CHTF8: variants seen among roughly 807,000 people sequenced by gnomAD.
The protein encoded by CHTF8 is chromosome transmission fidelity factor 8.
Under a neutral mutation model 11.0 loss-of-function variants are expected in CHTF8, and 6 were observed. The ratio of observed to expected loss-of-function variants is 0.55; its 90% CI spans 0.30 to 1.08. The LOEUF (loss-of-function observed/expected upper bound fraction) is 1.08. CHTF8 is among the 50% of genes least tolerant of loss of function. The probability of loss-of-function intolerance (pLI) is 0.07; values close to 1 mark genes in which losing one functional copy is unlikely to be tolerated. For synonymous variants in CHTF8, 53 were observed against 60.5 expected (o/e 0.88, Z 0.57); for missense variants, 140 against 153.1 (o/e 0.91, Z 0.45).
intron 1 of CHTF8, among the ~76,000 whole-genome samples, chr16:69,121,829 G>A (rs891587354): frequency 1.7e-4 from 26 of 152,104 alleles, no homozygotes; most frequent in South Asian, 8.3e-4. Flanking sequence ...CACCACGGCC[G>A]GCTAATTTTT....
chr16:69,119,432 G>A lies in CHTF8; in HGVS notation c.*993C>T. 1.4e-6 allele frequency: 1 copy of A among 702,920 alleles called. No individual in the cohort carries two copies. Among genetic ancestry groups the A allele is most frequent in the South Asian group, 1.5e-5 (1 of 67,570 alleles). The allele number at this position is 702,920 out of a possible 1,614,324, so 43.5% of individuals were successfully genotyped here. On this transcript the variant is annotated 3_prime_UTR_variant, in exon 4 of 4. Transcript: ENST00000448552. Reference sequence around the variant, plus strand: ...ATGGGGCCAGGAGCCCTTGACATGGGAGATGGATTTGGCCCTGGAAGGCCA... The same window carrying A: ...ATGGGGCCAGGAGCCCTTGACATGGAAGATGGATTTGGCCCTGGAAGGCCA...
At chr16:69,124,216 A>G (rs1961896970) in intron 1 of CHTF8, among the ~76,000 whole-genome samples, 2 of 152,098 alleles carry the variant, frequency 1.3e-5, no homozygotes, top group African/African-American at 4.8e-5. Context: ...CCTAAAGACA[A>G]TTGGCTTCAC....
Position 69,118,362 on chromosome 16 carries a change from G to A in CHTF8, c.*2063C>T, listed in dbSNP as rs906108066. The A allele has an allele frequency of 4.4e-6, 7 of 1,604,126 alleles. No homozygotes were observed. The highest frequency in any genetic ancestry group is 1.3e-5 in the African/African-American group (1 of 74,768). ...CCCTGTTCTGTGTTCAAGCCCCCAGGGAAAGGTATGGCAGTAGAGGATGAC... is the reference window on the plus strand; with the variant it reads ...CCCTGTTCTGTGTTCAAGCCCCCAGAGAAAGGTATGGCAGTAGAGGATGAC... On this transcript the variant is annotated 3_prime_UTR_variant, in exon 4 of 4. Coordinates refer to ENST00000448552, the MANE Select transcript of CHTF8 (RefSeq NM_001039690.5).
chr16:69,126,381 G>A (rs1410225243), intron 1 of CHTF8, among the ~76,000 whole-genome samples: 1 of 152,186 alleles, frequency 6.6e-6, no homozygotes, highest in Non-Finnish European at 1.5e-5. Flanking sequence ...TTTGGTTGCT[G>A]GGATGGCACA....
Position 69,120,465 on chromosome 16 carries a change from C to T in CHTF8, c.326G>A (p.Arg109His), listed in dbSNP as rs1296990203. The T allele has an allele frequency of 5.0e-6, 8 of 1,613,886 alleles. No individual in the cohort carries two copies. The highest frequency in any genetic ancestry group is 2.2e-5 in the East Asian group (1 of 44,872). The change falls in exon 4 of 4, where the codon CGC becomes CAC. Residue 109 changes from arginine (R) to histidine (H), a missense_variant. Arg to His is a conservative substitution (Grantham distance 29). Transcript: ENST00000448552. This position sits in a 1 kb window ranked among gnomAD's most constrained non-coding sequence, Gnocchi z 4.0. The stretch of plus-strand genomic sequence containing the variant: ...GACGCTGGTGATAATGGGCTTGGGG[C>T]GGGTTTTGAAAAGGATCTTGTCTTT... The part of the protein sequence containing the change: ...LIKDKILFKT[R>H]PKPIITSVPK...
Position 69,118,843 on chromosome 16 carries a change from G to A in CHTF8, c.*1582C>T. 1 of 697,908 alleles carries A rather than the reference G, an allele frequency of 1.4e-6. No homozygotes were observed. The highest frequency in any genetic ancestry group is 2.6e-6 in the Non-Finnish European group (1 of 381,800). 43.2% of individuals were successfully genotyped at this position (697,908 alleles called of 1,614,324 possible). A position where few individuals can be genotyped will look rare whatever the true frequency, so the allele number is the denominator to read the frequency against. On this transcript the variant is annotated 3_prime_UTR_variant, in exon 4 of 4. Coordinates refer to ENST00000448552, the MANE Select transcript of CHTF8 (RefSeq NM_001039690.5). Reference sequence around the variant, plus strand: ...CTAGAAACCAAGGTGGTCCTGGAGGGAAAATGGTGTTTAAGGGGGCAACAT... The same window carrying A: ...CTAGAAACCAAGGTGGTCCTGGAGGAAAAATGGTGTTTAAGGGGGCAACAT...
intron 1 of CHTF8, among the ~76,000 whole-genome samples, chr16:69,128,506 T>A (rs1465517161): frequency 6.6e-6 from 1 of 152,222 alleles, no homozygotes; most frequent in Admixed American, 6.5e-5. Context: ...AAAAGTTTTC[T>A]ACTTGATCTT....
In CHTF8 at chr16:69,118,883, T is replaced by C. The variant is rs567029867; in HGVS notation, c.*1542A>G. The stretch of plus-strand genomic sequence containing the variant: ...GGGGGCAACATTCCATTTGGGTACA[T>C]TGCAGCCATTGGACCCCCTGGTCTG... On this transcript the variant is annotated 3_prime_UTR_variant, in exon 4 of 4. Coordinates refer to ENST00000448552, the MANE Select transcript of CHTF8 (RefSeq NM_001039690.5). 71 of 702,888 alleles carry C rather than the reference T, an allele frequency of 1.0e-4. No homozygotes were observed. The highest frequency in any genetic ancestry group is 1.6e-4 in the Non-Finnish European group (62 of 384,972). 43.5% of individuals were successfully genotyped at this position (702,888 alleles called of 1,614,324 possible).
chr16:69,125,531 A>C (rs1234783932), intron 1 of CHTF8, among the ~76,000 whole-genome samples: 2 of 152,230 alleles, frequency 1.3e-5, no homozygotes, highest in Non-Finnish European at 2.9e-5. Context: ...GAATCAAGGC[A>C]TCAGGCAGGC....
In CHTF8 at chr16:69,118,460, T is replaced by C. The variant is rs376562006; in HGVS notation, c.*1965A>G. The C allele has an allele frequency of 6.3e-7, 1 of 1,584,350 alleles. No individual in the cohort carries two copies. Among genetic ancestry groups the C allele is most frequent in the Admixed American group, 1.7e-5 (1 of 59,954 alleles). ...CCAACGCCACGTTTCTAGAGAGCAG[T>C]GAGCTGATTCTCCAATGGTGAGCAG... On this transcript the variant is annotated 3_prime_UTR_variant, in exon 4 of 4. Coordinates refer to ENST00000448552, the MANE Select transcript of CHTF8 (RefSeq NM_001039690.5).
At chr16:69,126,925 T>C (rs1422854194) in intron 1 of CHTF8, among the ~76,000 whole-genome samples, 1 of 152,080 alleles carries the variant, frequency 6.6e-6, no homozygotes, top group African/African-American at 2.4e-5. Flanking sequence ...GCAGGGAGTA[T>C]ATATTTCATT....
In CHTF8 at chr16:69,118,366, A is replaced by AGGT. The variant is rs1484234390; in HGVS notation, c.*2056_*2058dup. ...GTTCTGTGTTCAAGCCCCCAGGGAA[A>AGGT]GGTATGGCAGTAGAGGATGACCAGG... On this transcript the variant is annotated 3_prime_UTR_variant, in exon 4 of 4. Coordinates refer to ENST00000448552, the MANE Select transcript of CHTF8 (RefSeq NM_001039690.5). 1.2e-6 allele frequency: 2 copies of AGGT among 1,606,626 alleles called. No individual in the cohort carries two copies. The highest frequency in any genetic ancestry group is 1.7e-6 in the Non-Finnish European group (2 of 1,173,210).
At chr16:69,130,308 ATT>A (rs869163875) in intron 1 of CHTF8, among the ~76,000 whole-genome samples, 1 of 149,484 alleles carries the variant, frequency 6.7e-6, no homozygotes, top group African/African-American at 2.4e-5. Flanking sequence ...CGTTTTAGAA[ATT>A]TTGTTTTTTT....
At position 69,119,723 on chromosome 16, in the gene CHTF8, G is replaced by T. The variant is rs987954371; in HGVS notation, c.*702C>A. ...CCCAGGCCACTTGGTCTTGGGTTGG[G>T]CCCAAGGCCTGGGCCTGGAAACACA... On this transcript the variant is annotated 3_prime_UTR_variant, in exon 4 of 4. Transcript: ENST00000448552. 24 of 687,692 alleles carry T rather than the reference G, an allele frequency of 3.5e-5. No homozygotes were observed. Among genetic ancestry groups the T allele is most frequent in the Non-Finnish European group, 6.1e-5 (23 of 375,286 alleles). The allele number at this position is 687,692 out of a possible 1,614,324, so 42.6% of individuals were successfully genotyped here. A position where few individuals can be genotyped will look rare whatever the true frequency, so the allele number is the denominator to read the frequency against.
Position 69,119,498 on chromosome 16 carries a change from C to T in CHTF8, c.*927G>A. 1.4e-6 allele frequency: 1 copy of T among 703,038 alleles called. No individual in the cohort carries two copies. Among genetic ancestry groups the T allele is most frequent in the South Asian group, 1.5e-5 (1 of 67,598 alleles). 43.5% of individuals were successfully genotyped at this position (703,038 alleles called of 1,614,324 possible). The stretch of plus-strand genomic sequence containing the variant: ...GGACCCGAGTTTGGGCCCATGGGGC[C>T]AGGTACTCTTGCCATGGAGGATGGG... On this transcript the variant is annotated 3_prime_UTR_variant, in exon 4 of 4. Coordinates refer to ENST00000448552, the MANE Select transcript of CHTF8 (RefSeq NM_001039690.5).
In CHTF8 at chr16:69,118,903, G is replaced by C. The variant is rs1475169709; in HGVS notation, c.*1522C>G. 1.4e-6 allele frequency: 1 copy of C among 703,148 alleles called. No homozygotes were observed. Among genetic ancestry groups the C allele is most frequent in the South Asian group, 1.5e-5 (1 of 67,604 alleles). The allele number at this position is 703,148 out of a possible 1,614,324, so 43.6% of individuals were successfully genotyped here. On this transcript the variant is annotated 3_prime_UTR_variant, in exon 4 of 4. Coordinates refer to ENST00000448552, the MANE Select transcript of CHTF8 (RefSeq NM_001039690.5). ...GTACATTGCAGCCATTGGACCCCCTGGTCTGGGGAAAGCAGCTGGGTTTGT... is the reference window on the plus strand; with the variant it reads ...GTACATTGCAGCCATTGGACCCCCTCGTCTGGGGAAAGCAGCTGGGTTTGT...
At chr16:69,131,839 CTCGGCTT>C (rs1962548920) in intron 1 of CHTF8, among the ~76,000 whole-genome samples, 1 of 151,798 alleles carries the variant, frequency 6.6e-6, no homozygotes, top group Admixed American at 6.6e-5. Flanking sequence ...CCACTCGTCT[CTCGGCTT>C]CCCTCCCACA....
intron 1 of CHTF8, among the ~76,000 whole-genome samples, chr16:69,124,629 C>G (rs1376269852): frequency 6.6e-6 from 1 of 151,904 alleles, no homozygotes; most frequent in East Asian, 1.9e-4. Context: ...CCCGCCTCAG[C>G]CTCCCAAAGT....
intron 1 of CHTF8, among the ~76,000 whole-genome samples, chr16:69,124,572 C>T (rs541844394): frequency 2.0e-5 from 3 of 151,006 alleles, no homozygotes; most frequent in East Asian, 2.0e-4. Flanking sequence ...TACAGGCGCC[C>T]GCCACCACGC....
Sources: gnomAD v4.1 joint callset for allele counts (sites outside exome capture counted in the v4.1 genomes callset) on GRCh38, gnomAD v4.1.1 for gene constraint, Gnocchi (gnomAD v3.1) non-coding constraint, MANE v1.5 for transcripts, NCBI Gene and HGNC (gene_info 2026-07-23, HGNC 2026-07-21) for gene names.